The following ADAMTS3 variants were observed in gnomAD, a reference collection of about 807,000 sequenced individuals.
ADAMTS3 encodes the protein ADAM metallopeptidase with thrombospondin type 1 motif 3.
ADAMTS3 carries 73 observed loss-of-function variants against 129.0 expected under a neutral mutation model. That is an observed-to-expected ratio of 0.57 (90% confidence interval 0.47 to 0.69). The LOEUF is 0.69. ADAMTS3 is among the 30% of genes least tolerant of loss of function. The pLI, the probability that ADAMTS3 is intolerant of heterozygous loss-of-function variation, is 0.00. For synonymous variants in ADAMTS3, 477 were observed against 510.8 expected (o/e 0.93, Z 0.89); for missense variants, 1,457 against 1,514.5 (o/e 0.96, Z 0.63).
chr4:72,461,548 T>G (rs1292480025), intron 3 of ADAMTS3, among the ~76,000 whole-genome samples: 1 of 151,866 alleles, frequency 6.6e-6, no homozygotes, highest in Non-Finnish European at 1.5e-5. Flanking sequence ...ATAGAGATTT[T>G]GAAATTGACA....
chr4:72,319,283 C>T lies in ADAMTS3; in HGVS notation c.1352+49G>A, dbSNP rs746343597. 73 of 1,607,568 alleles carry T rather than the reference C, an allele frequency of 4.5e-5. No individual in the cohort carries two copies. The South Asian group carries it at 7.6e-4, about 17-fold the overall frequency. ...CAAGTCCTAAGAGTCAGTTTCATGT[C>T]TGTAGGCTATAAAATAAATACTTTC... On this transcript the variant is annotated intron_variant, in intron 9 of 21. Coordinates refer to ENST00000286657, the MANE Select transcript of ADAMTS3 (RefSeq NM_014243.3).
intron 3 of ADAMTS3, among the ~76,000 whole-genome samples, chr4:72,424,932 T>C (rs1044814829): frequency 6.6e-5 from 10 of 152,156 alleles, no homozygotes; most frequent in African/African-American, 2.4e-4. Flanking sequence ...ACTTATTATA[T>C]TGTCAATATT....
chr4:72,296,445 C>T (rs13110569), intron 18 of ADAMTS3, among the ~76,000 whole-genome samples: 7,317 of 151,986 alleles, frequency 0.048, 232 homozygotes, highest in Admixed American at 0.071. Context: ...CAAACATCAA[C>T]TTTTATATTT....
intron 3 of ADAMTS3, among the ~76,000 whole-genome samples, chr4:72,524,456 T>C (rs1720755835): frequency 6.6e-6 from 1 of 152,094 alleles, no homozygotes; most frequent in African/African-American, 2.4e-5. Flanking sequence ...AATAATAATA[T>C]CATTGAATCT....
chr4:72,334,725 C>T (rs1052061420), intron 5 of ADAMTS3, among the ~76,000 whole-genome samples: 1 of 152,098 alleles, frequency 6.6e-6, no homozygotes, highest in Admixed American at 6.5e-5. Context: ...GTAAATCAAC[C>T]ATGTTACAAG....
intron 2 of ADAMTS3, 114 bp downstream of exon 2, chr4:72,567,260 A>T: frequency 1.9e-6 from 2 of 1,061,476 alleles, no homozygotes; most frequent in Non-Finnish European, 2.8e-6. Context: ...CGGACTACAG[A>T]TTATTTTTTT....
intron 3 of ADAMTS3, among the ~76,000 whole-genome samples, chr4:72,529,995 T>A (rs1457782687): frequency 3.3e-5 from 1 of 30,086 alleles, no homozygotes; most frequent in African/African-American, 1.5e-4. Flanking sequence ...TATATTATAT[T>A]TATATATAAT....
At chr4:72,547,216 T>C (rs1721490647) in intron 3 of ADAMTS3, among the ~76,000 whole-genome samples, 1 of 152,158 alleles carries the variant, frequency 6.6e-6, no homozygotes, top group South Asian at 2.1e-4. Context: ...TAGGGCAGAC[T>C]AGAGCAAGGA....
chr4:72,392,493 A>G (rs972925616), intron 4 of ADAMTS3, among the ~76,000 whole-genome samples: 8 of 152,200 alleles, frequency 5.3e-5, no homozygotes, highest in African/African-American at 1.9e-4. Context: ...TTTGCACTTG[A>G]AATTCATTGC....
At chr4:72,405,372 T>C (rs1195229005) in intron 4 of ADAMTS3, among the ~76,000 whole-genome samples, 1 of 152,088 alleles carries the variant, frequency 6.6e-6, no homozygotes, top group African/African-American at 2.4e-5. Flanking sequence ...AAAGGATAGA[T>C]CTCATGTTAA....
rs772474530 is a variant in ADAMTS3, at chr4:72,282,582, C to T, written c.*554G>A. On this transcript the variant is annotated 3_prime_UTR_variant, in exon 22 of 22. Coordinates refer to ENST00000286657, the MANE Select transcript of ADAMTS3 (RefSeq NM_014243.3). The stretch of plus-strand genomic sequence containing the variant: ...ACTCAACGACAGGCACCTAGAACAT[C>T]CAGAAATGTAATATAGTAAACAATC... 2 of 152,520 alleles carry T rather than the reference C, an allele frequency of 1.3e-5. No homozygotes were observed. Among genetic ancestry groups the T allele is most frequent in the African/African-American group, 4.8e-5 (2 of 41,398 alleles). 9.4% of individuals were successfully genotyped at this position (152,520 alleles called of 1,614,324 possible).
intron 3 of ADAMTS3, among the ~76,000 whole-genome samples, chr4:72,443,706 T>C (rs868857717): frequency 6.9e-6 from 1 of 145,002 alleles, no homozygotes; most frequent in Non-Finnish European, 1.5e-5. Context: ...AAAAAAAAAA[T>C]GGTACAAGAA....
intron 21 of ADAMTS3, among the ~76,000 whole-genome samples, chr4:72,285,524 G>T (rs961257993): frequency 6.6e-6 from 1 of 151,956 alleles, no homozygotes; most frequent in Non-Finnish European, 1.5e-5. Flanking sequence ...CTGTTAGGAG[G>T]CCCCTCTTAG....
intron 3 of ADAMTS3, among the ~76,000 whole-genome samples, chr4:72,526,320 A>AG (rs1720805309): frequency 1.3e-5 from 2 of 152,146 alleles, no homozygotes; most frequent in Non-Finnish European, 2.9e-5. Flanking sequence ...TAAGATTTTC[A>AG]CTAGCCCTAA....
intron 9 of ADAMTS3, 114 bp from the exon 10 acceptor site, chr4:72,318,818 CA>C: frequency 8.8e-7 from 1 of 1,136,388 alleles, no homozygotes; most frequent in Non-Finnish European, 1.2e-6. Context: ...CCAGATCATA[CA>C]GCAAATTTGC....
At chr4:72,467,136 C>T (rs1487760033) in intron 3 of ADAMTS3, among the ~76,000 whole-genome samples, 1 of 152,038 alleles carries the variant, frequency 6.6e-6, no homozygotes, top group African/African-American at 2.4e-5. Flanking sequence ...GTCAGCCAAA[C>T]CTGAAGCCCA....
At position 72,283,062 on chromosome 4, in the gene ADAMTS3, C is replaced by G; in HGVS notation, c.*74G>C. The G allele has an allele frequency of 8.0e-7, 1 of 1,256,834 alleles. No individual in the cohort carries two copies. Among genetic ancestry groups the G allele is most frequent in the Non-Finnish European group, 1.1e-6 (1 of 899,990 alleles). 77.9% of individuals were successfully genotyped at this position (1,256,834 alleles called of 1,614,324 possible). On this transcript the variant is annotated 3_prime_UTR_variant, in exon 22 of 22. Coordinates refer to ENST00000286657, the MANE Select transcript of ADAMTS3 (RefSeq NM_014243.3). Reference sequence around the variant, plus strand: ...GATCTATAGAGATTTCCACTTTAAACAAGCATATGCACCATGGGAAGAGAG... The same window carrying G: ...GATCTATAGAGATTTCCACTTTAAAGAAGCATATGCACCATGGGAAGAGAG...
At chr4:72,406,695 T>C (rs928172558) in intron 4 of ADAMTS3, among the ~76,000 whole-genome samples, 1 of 152,188 alleles carries the variant, frequency 6.6e-6, no homozygotes, top group Non-Finnish European at 1.5e-5. Flanking sequence ...TGAGTCTCAA[T>C]ATAATGGGGG....
intron 3 of ADAMTS3, among the ~76,000 whole-genome samples, chr4:72,483,794 C>T (rs891479133): frequency 4.6e-5 from 7 of 151,882 alleles, no homozygotes; most frequent in African/African-American, 1.7e-4. Flanking sequence ...CTGAGGCAGG[C>T]GATCATGAGG....
Sources: allele counts gnomAD v4.1 joint callset (sites outside exome capture counted in the v4.1 genomes callset), GRCh38; gene constraint gnomAD v4.1.1; transcripts MANE v1.5; gene names NCBI Gene and HGNC (gene_info 2026-07-23, HGNC 2026-07-21).